Variants in EHD2 observed in about 807,000 individuals in gnomAD.
The protein encoded by EHD2 is EH domain-containing protein 2.
In EHD2, 27 loss-of-function variants were observed where a neutral mutation model predicts 41.0. The observed-to-expected ratio is 0.66, with a 90% CI of 0.49 to 0.91. The LOEUF is 0.91. EHD2 is among the 40% of genes least tolerant of loss of function. EHD2 has a pLI of 0.00. For synonymous variants in EHD2, 342 were observed against 341.0 expected (o/e 1.00, Z -0.03); for missense variants, 673 against 773.9 (o/e 0.87, Z 1.55).
intron 5 of EHD2, among the ~76,000 whole-genome samples, chr19:47,737,923 C>T (rs1324453637): frequency 6.8e-6 from 1 of 147,914 alleles, no homozygotes; most frequent in Non-Finnish European, 1.5e-5. Context: ...CTCTGTCACC[C>T]AGACCGAACT....
chr19:47,731,710 C>A (rs1966879060), intron 4 of EHD2, among the ~76,000 whole-genome samples: 7 of 152,066 alleles, frequency 4.6e-5, no homozygotes, highest in Admixed American at 3.9e-4. Context: ...CACCTCACCC[C>A]ACCAGCTCCC....
At chr19:47,735,776 A>G (rs1463229017) in intron 4 of EHD2, among the ~76,000 whole-genome samples, 4 of 151,870 alleles carry the variant, frequency 2.6e-5, no homozygotes, top group African/African-American at 9.7e-5. Context: ...GTGGTGGCGC[A>G]TGCCTGTTAA....
intron 4 of EHD2, among the ~76,000 whole-genome samples, chr19:47,731,113 G>A (rs1402215648): frequency 1.3e-5 from 2 of 150,850 alleles, no homozygotes; most frequent in African/African-American, 4.9e-5. Flanking sequence ...AGAACAGCAT[G>A]TGCAAAGGCC....
At chr19:47,727,606 G>A (rs1048158426) in intron 4 of EHD2, among the ~76,000 whole-genome samples, 1 of 151,666 alleles carries the variant, frequency 6.6e-6, no homozygotes, top group Non-Finnish European at 1.5e-5. Flanking sequence ...GGCCAGGTGC[G>A]GTGGCTCACG....
chr19:47,727,832 G>A (rs147251561), intron 4 of EHD2, among the ~76,000 whole-genome samples: 207 of 152,190 alleles, frequency 1.4e-3, no homozygotes, highest in Non-Finnish European at 2.5e-3. Flanking sequence ...GGTGGCTCAC[G>A]CCTGTAATCC....
At position 47,738,028 on chromosome 19, in the gene EHD2, G is replaced by A. The variant is rs1428470034; in HGVS notation, c.1080+1495G>A. 2.0e-5 allele frequency among the ~76,000 whole-genome samples: 3 copies of A among 150,682 alleles called. No homozygotes were observed. In the Admixed American group the frequency reaches 2.0e-4, roughly 10 times the overall value. On this transcript the variant is annotated intron_variant, in intron 5 of 5. Coordinates refer to ENST00000263277, the MANE Select transcript of EHD2 (RefSeq NM_014601.4). The stretch of plus-strand genomic sequence containing the variant: ...CCCAAGTAGCTGGGCCTGCAGGCAT[G>A]TGCCACCACGTACAGATAATTTTTC...
chr19:47,736,120 C>T (rs748358988), intron 4 of EHD2, among the ~76,000 whole-genome samples: 32 of 152,022 alleles, frequency 2.1e-4, no homozygotes, highest in Admixed American at 5.9e-4. Context: ...TGCTTGAAGC[C>T]GGGAGGCGGA....
chr19:47,737,586 G>A (rs1172273358), intron 5 of EHD2, among the ~76,000 whole-genome samples: 1 of 151,930 alleles, frequency 6.6e-6, no homozygotes, highest in South Asian at 2.1e-4. Context: ...GAACCCGGGA[G>A]GCAGAGGTTG....
rs956500696 is a variant in EHD2 at position 47,741,988 on chromosome 19, G to A, written c.*556G>A. ...GCCCAGCCAGGCAACACCCTCAACC[G>A]GCTCCATCACATCCTCAGGTCTCGG... On this transcript the variant is annotated 3_prime_UTR_variant, in exon 6 of 6. Coordinates refer to ENST00000263277, the MANE Select transcript of EHD2 (RefSeq NM_014601.4). The surrounding 1 kb of genome is among the most constrained non-coding windows in gnomAD (Gnocchi z 4.5). The A allele has an allele frequency of 4.4e-6, 2 of 455,274 alleles. No homozygotes were observed. Among genetic ancestry groups the A allele is most frequent in the Non-Finnish European group, 8.8e-6 (2 of 226,598 alleles). The allele number at this position is 455,274 out of a possible 1,614,324, so 28.2% of individuals were successfully genotyped here.
At chr19:47,723,030 C>T (rs552441631) in intron 3 of EHD2, among the ~76,000 whole-genome samples, 51 of 152,340 alleles carry the variant, frequency 3.3e-4, no homozygotes, top group South Asian at 2.7e-3. Flanking sequence ...GTTAACTCTT[C>T]GTCCTCCGGG....
Position 47,713,524 on chromosome 19 carries a change from C to A in EHD2, c.-70C>A. 6.5e-6 allele frequency: 1 copy of A among 153,020 alleles called. No homozygotes were observed. Among genetic ancestry groups the A allele is most frequent in the Non-Finnish European group, 1.5e-5 (1 of 68,576 alleles). 9.5% of individuals were successfully genotyped at this position (153,020 alleles called of 1,614,324 possible). A position where few individuals can be genotyped will look rare whatever the true frequency, so the allele number is the denominator to read the frequency against. On this transcript the variant is annotated 5_prime_UTR_variant, in exon 1 of 6. Coordinates refer to ENST00000263277, the MANE Select transcript of EHD2 (RefSeq NM_014601.4). ...AGCCTGCCCAGCCCGCTGCAGCCGC[C>A]AGCGCGCCCCGTCGGTGAGTGCTCC...
intron 4 of EHD2, among the ~76,000 whole-genome samples, chr19:47,726,928 T>C (rs1294617709): frequency 6.6e-6 from 1 of 152,108 alleles, no homozygotes; most frequent in Non-Finnish European, 1.5e-5. Context: ...TCCTCCCCTT[T>C]TGGCCTCCCA....
intron 4 of EHD2, among the ~76,000 whole-genome samples, chr19:47,735,415 C>T (rs1440953445): frequency 6.6e-6 from 1 of 152,124 alleles, no homozygotes; most frequent in Non-Finnish European, 1.5e-5. Flanking sequence ...GGCACCTCCG[C>T]CTGCAGCACC....
chr19:47,741,105 G>A lies in EHD2; in HGVS notation c.1305G>A (p.Glu435=). 1 of 1,610,170 alleles carries A rather than the reference G, an allele frequency of 6.2e-7. No individual in the cohort carries two copies. The highest frequency in any genetic ancestry group is 8.5e-7 in the Non-Finnish European group (1 of 1,179,864). ...CTGACGAGGCCATGGAGGACGGCGA[G>A]GAGGGCTCGGACGACGAGGCCGAGT... The part of the protein sequence containing the change: ...RGPDEAMEDG[E]EGSDDEAEWV... Residue 435 remains glutamate, a synonymous_variant, in exon 6 of 6, where the codon GAG becomes GAA. Coordinates refer to ENST00000263277, the MANE Select transcript of EHD2 (RefSeq NM_014601.4). The surrounding 1 kb of genome is among the most constrained non-coding windows in gnomAD (Gnocchi z 4.5).
rs751655175 is a variant in EHD2, at chr19:47,741,366, G to A, written c.1566G>A (p.Leu522=). The stretch of plus-strand genomic sequence containing the variant: ...AGGCCAAGCTGGAAGGCCACGGGCT[G>A]CCCGCCAACCTGCCCCGTCGCCTGG... ...LIEAKLEGHG[L]PANLPRRLVP... The change falls in exon 6 of 6, where the codon CTG becomes CTA. Residue 522 remains leucine, a synonymous_variant. Coordinates refer to ENST00000263277, the MANE Select transcript of EHD2 (RefSeq NM_014601.4). The surrounding 1 kb of genome is among the most constrained non-coding windows in gnomAD (Gnocchi z 4.5). The A allele has an allele frequency of 2.5e-6, 4 of 1,607,604 alleles. No homozygotes were observed. Among genetic ancestry groups the A allele is most frequent in the African/African-American group, 1.3e-5 (1 of 74,892 alleles).
At chr19:47,726,367 C>T in intron 4 of EHD2, 143 bp downstream of exon 4, 2 of 992,108 alleles carry the variant, frequency 2.0e-6, no homozygotes, top group Non-Finnish European at 2.8e-6. Context: ...AGAGTGAAGC[C>T]GGGAGGAAGA....
At position 47,716,796 on chromosome 19, in the gene EHD2, C is replaced by T; in HGVS notation, c.184C>T (p.Leu62=). The T allele has an allele frequency of 6.2e-7, 1 of 1,611,216 alleles. No homozygotes were observed. The highest frequency in any genetic ancestry group is 1.3e-5 in the African/African-American group (1 of 75,034). ...AGACTTCGACGGCAAGCCCATGGTG[C>T]TGGTGGCCGGCCAGTACAGCACGGG... The part of the protein sequence containing the change: ...DADFDGKPMV[L]VAGQYSTGKT... Residue 62 remains leucine (L), a synonymous_variant, in exon 2 of 6, where the codon CTG becomes TTG. Transcript: ENST00000263277.
In EHD2 at chr19:47,741,435, C is replaced by CT. The variant is rs1555794436; in HGVS notation, c.*3_*4insT. 6.4e-7 allele frequency: 1 copy of CT among 1,562,738 alleles called. No individual in the cohort carries two copies. The highest frequency in any genetic ancestry group is 8.6e-7 in the Non-Finnish European group (1 of 1,161,838). ...GCCACAAGGGCTCCGCCGAGTGAGC[C>CT]GGCCCCCCTCCCATGGCCCTGCTGT... On this transcript the variant is annotated 3_prime_UTR_variant, in exon 6 of 6. Coordinates refer to ENST00000263277, the MANE Select transcript of EHD2 (RefSeq NM_014601.4). The surrounding 1 kb of genome is among the most constrained non-coding windows in gnomAD (Gnocchi z 4.5).
chr19:47,731,728 C>CT (rs1191917289), intron 4 of EHD2, among the ~76,000 whole-genome samples: 1 of 151,260 alleles, frequency 6.6e-6, no homozygotes, highest in African/African-American at 2.4e-5. Context: ...CCCAGGGCCT[C>CT]TTTTCTAGAG....
Sources: allele counts gnomAD v4.1 joint callset (sites outside exome capture counted in the v4.1 genomes callset), GRCh38; gene constraint gnomAD v4.1.1; non-coding constraint Gnocchi (gnomAD v3.1); transcripts MANE v1.5; gene names NCBI Gene and HGNC (gene_info 2026-07-23, HGNC 2026-07-21).